GALNT2: variants seen among roughly 807,000 people sequenced by gnomAD.
The protein encoded by GALNT2 is polypeptide N-acetylgalactosaminyltransferase 2, also known as UDP-GalNAc:polypeptide N-acetylgalactosaminyltransferase 2.
Under a neutral mutation model 81.4 loss-of-function variants are expected in GALNT2, and 31 were observed. That is an observed-to-expected ratio of 0.38 (90% CI 0.29 to 0.51). The LOEUF is 0.51. Among genes scored for constraint, GALNT2 ranks in the 20% least tolerant of loss-of-function variants. The pLI is 0.87. For synonymous variants in GALNT2, 303 were observed against 287.4 expected, an observed-to-expected ratio of 1.05 and a Z score of -0.55; for missense variants, 629 against 765.7, an observed-to-expected ratio of 0.82 and a Z score of 2.11.
At chr1:230,117,655 T>C (rs1039345405) in intron 1 of GALNT2, among the ~76,000 whole-genome samples, 1 of 152,194 alleles carries the variant, frequency 6.6e-6, no homozygotes, top group African/African-American at 2.4e-5. Flanking sequence ...AAGTTTGCCA[T>C]TTTGTATGGT....
chr1:230,200,219 C>T (rs551070812), intron 2 of GALNT2, among the ~76,000 whole-genome samples: 92 of 152,154 alleles, frequency 6.0e-4, no homozygotes, highest in African/African-American at 2.0e-3. Context: ...CCTGCCACCA[C>T]GTCTGGCTAA....
intron 3 of GALNT2, among the ~76,000 whole-genome samples, chr1:230,231,968 G>A (rs540935894): frequency 9.2e-5 from 14 of 152,226 alleles, no homozygotes; most frequent in South Asian, 6.2e-4. Context: ...GTTTCTACTC[G>A]ATTCCCAAAG....
At chr1:230,246,498 C>A (rs1019068942) in intron 8 of GALNT2, among the ~76,000 whole-genome samples, 3 of 152,154 alleles carry the variant, frequency 2.0e-5, no homozygotes, top group Non-Finnish European at 2.9e-5. Context: ...GGAGCTGAGG[C>A]TTTGTGGGAT....
chr1:230,268,539 G>A (rs529478987), intron 14 of GALNT2: 31 of 152,320 alleles, frequency 2.0e-4, no homozygotes, highest in African/African-American at 7.2e-4. Flanking sequence ...AAACAGAAGC[G>A]TGTGCTCAGG....
intron 1 of GALNT2, among the ~76,000 whole-genome samples, chr1:230,085,378 TG>T (rs1205542159): frequency 2.0e-5 from 3 of 152,302 alleles, no homozygotes; most frequent in Admixed American, 6.5e-5. Context: ...CGAGGCCCTT[TG>T]TTTTGGGTTA....
chr1:230,160,937 C>T (rs1662413205), intron 1 of GALNT2, among the ~76,000 whole-genome samples: 1 of 152,098 alleles, frequency 6.6e-6, no homozygotes, highest in South Asian at 2.1e-4. Flanking sequence ...CTGAACTGCC[C>T]TTTCATGTTG....
Position 230,178,250 on chromosome 1 carries a change from G to A in GALNT2, c.159G>A (p.Lys53=), listed in dbSNP as rs1379095432. Residue 53 remains lysine (K), a synonymous_variant, in exon 2 of 16, where the codon AAG becomes AAA. Transcript: ENST00000366672. The part of the protein sequence containing the change: ...EDWNEIDPIK[K]KDLHHSNGEE... The stretch of plus-strand genomic sequence containing the variant: ...GGAATGAAATTGACCCCATTAAAAA[G>A]AAAGACCTTCATCACAGCAATGGAG... The A allele has an allele frequency of 3.1e-6, 5 of 1,614,008 alleles. No individual in the cohort carries two copies. Among genetic ancestry groups the A allele is most frequent in the East Asian group, 4.5e-5 (2 of 44,878 alleles).
At chr1:230,155,289 G>A (rs1010664439) in intron 1 of GALNT2, among the ~76,000 whole-genome samples, 2 of 152,126 alleles carry the variant, frequency 1.3e-5, no homozygotes, top group Non-Finnish European at 2.9e-5. Flanking sequence ...CCTGTTCTTC[G>A]TTGGCTGCCT....
chr1:230,121,948 C>CTTTTTTTTTT (rs11430880), intron 1 of GALNT2, among the ~76,000 whole-genome samples: 1 of 104,014 alleles, frequency 9.6e-6, no homozygotes, highest in Non-Finnish European at 1.8e-5. Flanking sequence ...TACTGTTATG[C>CTTTTTTTTTT]TTTTTTTTTT....
chr1:230,198,014 C>T (rs952244009), intron 2 of GALNT2, among the ~76,000 whole-genome samples: 1 of 152,184 alleles, frequency 6.6e-6, no homozygotes, highest in African/African-American at 2.4e-5. Flanking sequence ...AAGCGTCCGG[C>T]GCAAGACCAC....
chr1:230,228,352 C>A (rs564543533), intron 3 of GALNT2, among the ~76,000 whole-genome samples: 50 of 152,072 alleles, frequency 3.3e-4, no homozygotes, highest in African/African-American at 1.2e-3. Flanking sequence ...TCTTGAAGAT[C>A]TTCGCCTAGT....
intron 2 of GALNT2, among the ~76,000 whole-genome samples, chr1:230,199,181 G>A (rs1232153225): frequency 6.6e-6 from 1 of 152,058 alleles, no homozygotes; most frequent in African/African-American, 2.4e-5. Context: ...TTTTAGGAAG[G>A]CAATATATTC....
Position 230,280,379 on chromosome 1 carries a change from G to T in GALNT2, c.*921G>T. ...GCGTGCTGTGCGTATCTGTGAACCTGGAGCGGTTACTTATTTTGACAGATA... is the reference window on the plus strand; with the variant it reads ...GCGTGCTGTGCGTATCTGTGAACCTTGAGCGGTTACTTATTTTGACAGATA... On this transcript the variant is annotated 3_prime_UTR_variant, in exon 16 of 16. Transcript: ENST00000366672. The T allele has an allele frequency of 5.1e-6, 1 of 197,504 alleles. No individual in the cohort carries two copies. Among genetic ancestry groups the T allele is most frequent in the Non-Finnish European group, 1.1e-5 (1 of 93,796 alleles). The allele number at this position is 197,504 out of a possible 1,614,324, so 12.2% of individuals were successfully genotyped here. A position where few individuals can be genotyped will look rare whatever the true frequency, so the allele number is the denominator to read the frequency against.
At position 230,211,382 on chromosome 1, in the gene GALNT2, G is replaced by A. The variant is rs569653955; in HGVS notation, c.374+8092G>A. ...TGGCATTTGTGGCCGTGGGGCAGGT[G>A]GAGTTTGGGTGTGGTGTAACAGTGA... On this transcript the variant is annotated intron_variant, in intron 3 of 15. Coordinates refer to ENST00000366672, the MANE Select transcript of GALNT2 (RefSeq NM_004481.5). Among the ~76,000 whole-genome samples, 4 of 152,324 alleles carry A rather than the reference G, an allele frequency of 2.6e-5. No homozygotes were observed. In the South Asian group the frequency reaches 8.3e-4, roughly 32 times the overall value.
At chr1:230,276,374 C>G (rs962824494) in intron 15 of GALNT2, among the ~76,000 whole-genome samples, 1 of 152,088 alleles carries the variant, frequency 6.6e-6, no homozygotes, top group Non-Finnish European at 1.5e-5. Flanking sequence ...GTGCCTGCCC[C>G]TGTTCTTACA....
chr1:230,067,438 C>T, intron 1 of GALNT2, 32 bp downstream of exon 1: 1 of 918,054 alleles, frequency 1.1e-6, no homozygotes, highest in Non-Finnish European at 1.4e-6. Context: ...GGCCGGGCCC[C>T]TGCGCCCACC....
intron 1 of GALNT2, among the ~76,000 whole-genome samples, chr1:230,075,751 G>A (rs1383893234): frequency 6.6e-6 from 1 of 152,128 alleles, no homozygotes; most frequent in Non-Finnish European, 1.5e-5. Flanking sequence ...GGTGCTGTGT[G>A]CTGTGGAAAA....
At chr1:230,076,165 G>A (rs540667373) in intron 1 of GALNT2, among the ~76,000 whole-genome samples, 42 of 152,280 alleles carry the variant, frequency 2.8e-4, no homozygotes, top group Admixed American at 5.9e-4. Flanking sequence ...GCAGCTGCTC[G>A]AGGCAGTTTT....
At chr1:230,069,433 C>T (rs1659307849) in intron 1 of GALNT2, among the ~76,000 whole-genome samples, 1 of 152,120 alleles carries the variant, frequency 6.6e-6, no homozygotes, top group African/African-American at 2.4e-5. Context: ...AAATTTAATG[C>T]TACCCCTTAG....
Sources: allele counts gnomAD v4.1 joint callset (sites outside exome capture counted in the v4.1 genomes callset), GRCh38; gene constraint gnomAD v4.1.1; transcripts MANE v1.5; gene names NCBI Gene and HGNC (gene_info 2026-07-23, HGNC 2026-07-21).